CNTNAP2: variants seen among roughly 807,000 people sequenced by gnomAD.
CNTNAP2 encodes the protein contactin-associated protein-like 2.
Under a neutral mutation model 155.2 loss-of-function variants are expected in CNTNAP2, and 98 were observed. That is an observed-to-expected ratio of 0.63 (90% CI 0.54 to 0.75). The LOEUF is 0.75. Ranked by LOEUF, CNTNAP2 falls within the 30% of genes least tolerant of loss-of-function variation. CNTNAP2 has a pLI of 0.00. For missense variants in CNTNAP2, 1,727 were observed against 1,688.1 expected (o/e 1.02, Z -0.40); for synonymous variants, 651 against 631.2 (o/e 1.03, Z -0.47).
At chr7:147,568,065 A>C (rs1800210277) in intron 12 of CNTNAP2, among the ~76,000 whole-genome samples, 1 of 152,202 alleles carries the variant, frequency 6.6e-6, no homozygotes, top group Admixed American at 6.5e-5. Context: ...CAGCCTGGGC[A>C]ACACAGCGAG....
At chr7:148,073,837 G>A (rs1803427010) in intron 15 of CNTNAP2, among the ~76,000 whole-genome samples, 1 of 151,776 alleles carries the variant, frequency 6.6e-6, no homozygotes, top group Non-Finnish European at 1.5e-5. Context: ...ACCAAGGCAA[G>A]ACACAAATAT....
intron 1 of CNTNAP2, among the ~76,000 whole-genome samples, chr7:146,300,223 G>T (rs765250639): frequency 1.1e-4 from 16 of 152,074 alleles, no homozygotes; most frequent in Non-Finnish European, 2.2e-4. Context: ...TAATAAGAAT[G>T]CTATCAGTAA....
At chr7:147,903,756 C>A in intron 14 of CNTNAP2, 35 bp downstream of exon 14, 1 of 1,608,954 alleles carries the variant, frequency 6.2e-7, no homozygotes, top group East Asian at 2.2e-5. Flanking sequence ...CAGGCTCACC[C>A]TCCCAGTGTG....
intron 1 of CNTNAP2, among the ~76,000 whole-genome samples, chr7:146,618,780 A>G (rs1799268947): frequency 6.6e-6 from 1 of 152,170 alleles, no homozygotes; most frequent in Non-Finnish European, 1.5e-5. Flanking sequence ...ATATAAAAAG[A>G]TAAATATGGC....
intron 13 of CNTNAP2, among the ~76,000 whole-genome samples, chr7:147,788,067 A>T (rs1351111615): frequency 6.6e-6 from 1 of 152,182 alleles, no homozygotes; most frequent in Non-Finnish European, 1.5e-5. Context: ...TCTGGACAGG[A>T]TGCATTTCAT....
chr7:147,724,725 C>G (rs1236899551), intron 13 of CNTNAP2, among the ~76,000 whole-genome samples: 1 of 151,960 alleles, frequency 6.6e-6, no homozygotes, highest in Non-Finnish European at 1.5e-5. Flanking sequence ...TCCTATATTA[C>G]ACTGCGGAAG....
chr7:147,450,830 T>C (rs565991084), intron 10 of CNTNAP2, among the ~76,000 whole-genome samples: 53 of 152,340 alleles, frequency 3.5e-4, no homozygotes, highest in South Asian at 8.3e-4. Flanking sequence ...GTTCTCCCAT[T>C]TGTCATGTTA....
chr7:146,842,936 C>T (rs1011014509), intron 3 of CNTNAP2, among the ~76,000 whole-genome samples: 1 of 147,740 alleles, frequency 6.8e-6, no homozygotes, highest in South Asian at 2.2e-4. Flanking sequence ...CTGCCTGCCT[C>T]GGCCTCCCAA....
chr7:146,189,173 G>A (rs62504816), intron 1 of CNTNAP2, among the ~76,000 whole-genome samples: 25,529 of 151,958 alleles, frequency 0.17, 2,659 homozygotes, highest in East Asian at 0.28. Flanking sequence ...AATGAAATTC[G>A]GACTTTGTTC....
At chr7:148,009,783 TTC>T (rs1802043118) in intron 15 of CNTNAP2, among the ~76,000 whole-genome samples, 1 of 152,184 alleles carries the variant, frequency 6.6e-6, no homozygotes, top group Non-Finnish European at 1.5e-5. Flanking sequence ...CACCGTTTAT[TTC>T]TTTTTCTGTT....
At chr7:146,485,541 A>G (rs753623250) in intron 1 of CNTNAP2, among the ~76,000 whole-genome samples, 4 of 152,176 alleles carry the variant, frequency 2.6e-5, no homozygotes, top group Non-Finnish European at 5.9e-5. Flanking sequence ...TTTCCTTCAT[A>G]TTTCCTGTCA....
At chr7:146,982,024 A>G (rs1431393839) in intron 3 of CNTNAP2, among the ~76,000 whole-genome samples, 1 of 152,186 alleles carries the variant, frequency 6.6e-6, no homozygotes, top group African/African-American at 2.4e-5. Flanking sequence ...TTATTAATTG[A>G]CACTGGACTT....
intron 11 of CNTNAP2, among the ~76,000 whole-genome samples, chr7:147,514,634 T>A (rs2373101): frequency 0.64 from 95,389 of 148,926 alleles, 31,402 homozygotes; most frequent in South Asian, 0.77. Flanking sequence ...AAAAAAAAAA[T>A]AATAAGGTGT....
intron 1 of CNTNAP2, among the ~76,000 whole-genome samples, chr7:146,165,258 A>G (rs1798295749): frequency 6.6e-6 from 1 of 152,154 alleles, no homozygotes; most frequent in Admixed American, 6.6e-5. Flanking sequence ...AAAATGCTTA[A>G]TGTTTAATTC....
rs149678656 is a variant in CNTNAP2 at position 146,551,631 on chromosome 7, G to T, written c.98-222640G>T. Among the ~76,000 whole-genome samples the T allele has an allele frequency of 1.7e-3, 254 of 151,944 alleles. 2 individuals carry two copies. Among genetic ancestry groups the T allele is most frequent in the African/African-American group, 4.0e-3 (167 of 41,434 alleles). ...TAAAAAAAAGAATAAGAGGCCAAAA[G>T]ACACTAAAAAAATGAATGAAAGAAA... On this transcript the variant is annotated intron_variant, in intron 1 of 23. Transcript: ENST00000361727.
chr7:146,969,251 T>C (rs1430796922), intron 3 of CNTNAP2, among the ~76,000 whole-genome samples: 3 of 152,142 alleles, frequency 2.0e-5, no homozygotes, highest in Non-Finnish European at 4.4e-5. Context: ...AATTTTGGAA[T>C]AGGTGTGGTG....
At chr7:146,703,686 G>A (rs1443606642) in intron 1 of CNTNAP2, among the ~76,000 whole-genome samples, 2 of 152,026 alleles carry the variant, frequency 1.3e-5, no homozygotes, top group Non-Finnish European at 2.9e-5. Context: ...AGAGGAAAAC[G>A]AGCTCCCTCA....
intron 17 of CNTNAP2, among the ~76,000 whole-genome samples, chr7:148,162,558 A>C (rs780631888): frequency 3.3e-5 from 5 of 152,222 alleles, no homozygotes; most frequent in Non-Finnish European, 7.3e-5. Flanking sequence ...GAGCTTTTGC[A>C]CTAAGAAATA....
chr7:147,612,405 T>C (rs538767760), intron 12 of CNTNAP2, among the ~76,000 whole-genome samples: 36 of 150,762 alleles, frequency 2.4e-4, no homozygotes, highest in African/African-American at 4.6e-4. Flanking sequence ...TTCTTTCTTT[T>C]TTTTTTTTTT....
Sources: gnomAD v4.1 joint callset for allele counts (sites outside exome capture counted in the v4.1 genomes callset) on GRCh38, gnomAD v4.1.1 for gene constraint, MANE v1.5 for transcripts, NCBI Gene and HGNC (gene_info 2026-07-23, HGNC 2026-07-21) for gene names.